GATAD2B: variants seen among roughly 807,000 people sequenced by gnomAD.
GATAD2B encodes GATA zinc finger domain containing 2B, also known as transcriptional repressor p66-beta.
In GATAD2B, 8 loss-of-function variants were observed where a neutral mutation model predicts 64.3. That is an observed-to-expected ratio of 0.12 (90% CI 0.07 to 0.22). The LOEUF is 0.22. Among genes scored for constraint, GATAD2B ranks in the 10% least tolerant of loss-of-function variants. GATAD2B has a pLI of 1.00. For missense variants in GATAD2B, 453 were observed against 752.0 expected (o/e 0.60, Z 4.65); for synonymous variants, 281 against 271.3 (o/e 1.04, Z -0.35).
At chr1:153,870,834 T>A (rs920465693) in intron 1 of GATAD2B, among the ~76,000 whole-genome samples, 1 of 152,186 alleles carries the variant, frequency 6.6e-6, no homozygotes, top group Non-Finnish European at 1.5e-5. Context: ...GTTTCAGGCA[T>A]TTTAGATAAG....
At chr1:153,909,783 C>CAAAAA (rs35951173) in intron 1 of GATAD2B, among the ~76,000 whole-genome samples, 2 of 133,502 alleles carry the variant, frequency 1.5e-5, no homozygotes, top group Non-Finnish European at 3.2e-5. Context: ...ACTAAAAATA[C>CAAAAA]AAAAAAAAAA....
intron 1 of GATAD2B, among the ~76,000 whole-genome samples, chr1:153,916,902 G>A (rs1041956024): frequency 7.2e-5 from 11 of 151,966 alleles, no homozygotes; most frequent in Admixed American, 2.6e-4. Context: ...TCTGCCTCCC[G>A]GGTTCAAGCT....
chr1:153,844,734 A>G (rs10430447), intron 1 of GATAD2B, among the ~76,000 whole-genome samples: 130,379 of 132,616 alleles, frequency 0.98, 64,131 homozygotes, highest in Middle Eastern at 1. Context: ...GACACACGAA[A>G]GGGAATACCA....
At chr1:153,868,120 G>A (rs1676540683) in intron 1 of GATAD2B, among the ~76,000 whole-genome samples, 2 of 151,996 alleles carry the variant, frequency 1.3e-5, no homozygotes, top group Admixed American at 6.6e-5. Flanking sequence ...AGAACTGCTC[G>A]AACCCGGGAG....
chr1:153,853,297 T>C, intron 1 of GATAD2B: 1 of 857,436 alleles, frequency 1.2e-6, no homozygotes, highest in Non-Finnish European at 2.0e-6. Flanking sequence ...AGTAGGACAC[T>C]GGTCCTTTGT....
chr1:153,816,069 C>CAA lies in GATAD2B; in HGVS notation c.1216+203_1216+204insTT, dbSNP rs1674471562. On this transcript the variant is annotated intron_variant, in intron 7 of 10. Transcript: ENST00000368655. The surrounding 1 kb of genome is among the most constrained non-coding windows in gnomAD (Gnocchi z 4.9). ...CTGCATCTCAAACAAAACACACACA[C>CAA]ACACACACACACACACACACACACA... Among the ~76,000 whole-genome samples the CAA allele has an allele frequency of 6.6e-6, 1 of 150,414 alleles. No homozygotes were observed. The highest frequency in any genetic ancestry group is 6.6e-5 in the Admixed American group (1 of 15,074).
intron 1 of GATAD2B, among the ~76,000 whole-genome samples, chr1:153,911,248 A>G (rs1000883543): frequency 5.9e-5 from 9 of 152,180 alleles, no homozygotes; most frequent in Admixed American, 6.6e-5. Flanking sequence ...TATACACAAC[A>G]CTGAGAATGG....
At chr1:153,842,688 C>G (rs1191323078) in intron 1 of GATAD2B, among the ~76,000 whole-genome samples, 1 of 151,550 alleles carries the variant, frequency 6.6e-6, no homozygotes, top group African/African-American at 2.4e-5. Context: ...GAGTTTCACT[C>G]GTTGCCCAGG....
intron 1 of GATAD2B, among the ~76,000 whole-genome samples, chr1:153,840,345 A>T (rs1262489170): frequency 1.5e-5 from 2 of 132,364 alleles, no homozygotes; most frequent in African/African-American, 5.9e-5. Flanking sequence ...GAAAATACTT[A>T]TTTTTTTTTT....
intron 1 of GATAD2B, among the ~76,000 whole-genome samples, chr1:153,879,466 T>G (rs532451543): frequency 6.6e-6 from 1 of 152,020 alleles, no homozygotes; most frequent in Non-Finnish European, 1.5e-5. Flanking sequence ...TAAAGAGAAT[T>G]TAAGAAAAGA....
intron 1 of GATAD2B, among the ~76,000 whole-genome samples, chr1:153,870,971 G>T (rs970900947): frequency 6.6e-6 from 1 of 152,204 alleles, no homozygotes; most frequent in African/African-American, 2.4e-5. Context: ...GGAGTGCAGT[G>T]GCACGATCTT....
At chr1:153,852,659 A>G in intron 1 of GATAD2B, 1 of 873,308 alleles carries the variant, frequency 1.1e-6, no homozygotes. Context: ...GGAGCTGAGA[A>G]ATGGTCTCTT....
chr1:153,850,832 A>T (rs1026242664), intron 1 of GATAD2B, among the ~76,000 whole-genome samples: 1 of 151,922 alleles, frequency 6.6e-6, no homozygotes, highest in South Asian at 2.1e-4. Flanking sequence ...GCGGCAGGAG[A>T]ATCGCTTGAA....
chr1:153,912,980 C>T lies in GATAD2B; in HGVS notation c.-2+9753G>A, dbSNP rs184958027. ...TGGTGGAGGGCACCTCCCAGCTATA[C>T]GGGAGACTGAGGCAGGAGAATTGCT... is the stretch of plus-strand genomic sequence containing the variant. On this transcript the variant is annotated intron_variant, in intron 1 of 10. Transcript: ENST00000368655. Among the ~76,000 whole-genome samples the T allele has an allele frequency of 9.5e-3, 1,440 of 152,158 alleles. 15 individuals are homozygous for T. Among genetic ancestry groups the T allele is most frequent in the Non-Finnish European group, 0.013 (862 of 68,012 alleles).
chr1:153,832,763 T>C (rs1412534011), intron 1 of GATAD2B, among the ~76,000 whole-genome samples: 5 of 152,144 alleles, frequency 3.3e-5, no homozygotes, highest in Non-Finnish European at 7.3e-5. Flanking sequence ...ATAGCTAACA[T>C]AGTACCCAAT....
chr1:153,881,710 G>C (rs1187507301), intron 1 of GATAD2B, among the ~76,000 whole-genome samples: 1 of 152,096 alleles, frequency 6.6e-6, no homozygotes, highest in East Asian at 1.9e-4. Context: ...TTCCAGAAAA[G>C]TGAGAGAGAT....
At chr1:153,835,400 G>T (rs1470912111) in intron 1 of GATAD2B, among the ~76,000 whole-genome samples, 1 of 152,002 alleles carries the variant, frequency 6.6e-6, no homozygotes, top group South Asian at 2.1e-4. Flanking sequence ...GTCAATCCAT[G>T]TGGCAAACTT....
intron 1 of GATAD2B, among the ~76,000 whole-genome samples, chr1:153,914,509 A>G (rs1452867504): frequency 6.6e-6 from 1 of 152,224 alleles, no homozygotes; most frequent in African/African-American, 2.4e-5. Flanking sequence ...TGTTCCCAGA[A>G]CATAACAGAA....
chr1:153,817,334 T>G lies in GATAD2B; in HGVS notation c.900+38A>C, dbSNP rs558967839. On this transcript the variant is annotated intron_variant, in intron 6 of 10. Coordinates refer to ENST00000368655, the MANE Select transcript of GATAD2B (RefSeq NM_020699.4). ...TCGACAAGCAAAGCAAACAAAGGGA[T>G]TTCTCTGTTTCCACATTAGGGCTCA... is the stretch of plus-strand genomic sequence containing the variant. 29 of 1,463,532 alleles carry G rather than the reference T, an allele frequency of 2.0e-5. No individual in the cohort carries two copies. The Middle Eastern group carries it at 5.5e-4, about 28-fold the overall frequency. 90.7% of individuals were successfully genotyped at this position (1,463,532 alleles called of 1,614,324 possible).
Sources: allele counts gnomAD v4.1 joint callset (sites outside exome capture counted in the v4.1 genomes callset), GRCh38; gene constraint gnomAD v4.1.1; non-coding constraint Gnocchi (gnomAD v3.1); transcripts MANE v1.5; gene names NCBI Gene and HGNC (gene_info 2026-07-23, HGNC 2026-07-21).